Variants in CACNA1C observed in about 807,000 individuals in gnomAD.
The protein encoded by CACNA1C is voltage-dependent L-type calcium channel subunit alpha-1C.
Under a neutral mutation model 229.0 loss-of-function variants are expected in CACNA1C, and 30 were observed. The observed-to-expected ratio is 0.13, with a 90% CI of 0.10 to 0.18. CACNA1C has a LOEUF of 0.18. CACNA1C is among the 10% of genes least tolerant of loss of function. The probability of loss-of-function intolerance (pLI) is 1.00; values close to 1 mark genes in which losing one functional copy is unlikely to be tolerated. For synonymous variants in CACNA1C, 1,114 were observed against 1,132.5 expected (o/e 0.98, Z 0.33); for missense variants, 1,658 against 2,845.0 (o/e 0.58, Z 9.49).
chr12:2,511,867 C>T lies in CACNA1C; in HGVS notation c.1218-945C>T, dbSNP rs569762826. On this transcript the variant is annotated intron_variant, in intron 8 of 46. Transcript: ENST00000399655. ...AGGCCATTCTTCCAGCAAATCCCAC[C>T]CCAGTTTCAATTTCTACTCATTATT... Among the ~76,000 whole-genome samples, 3 of 152,176 alleles carry T rather than the reference C, an allele frequency of 2.0e-5. No individual in the cohort carries two copies. The South Asian group carries it at 6.2e-4, about 32-fold the overall frequency.
intron 3 of CACNA1C, among the ~76,000 whole-genome samples, chr12:2,430,859 A>T (rs2099076293): frequency 6.6e-6 from 1 of 151,562 alleles, no homozygotes; most frequent in Non-Finnish European, 1.5e-5. Context: ...CCCTGGCCTC[A>T]CTCTGTTTCT....
Position 1,995,808 on chromosome 12 carries a change from C to T in CACNA1C, c.139+24607C>T, listed in dbSNP as rs983275913. Among the ~76,000 whole-genome samples the T allele has an allele frequency of 9.2e-5, 14 of 152,342 alleles. No individual in the cohort carries two copies. In the East Asian group the frequency reaches 2.7e-3, roughly 29 times the overall value. On this transcript the variant is annotated intron_variant, in intron 1 of 46. Coordinates refer to the CACNA1C transcript ENST00000682462. ...CGGTTCCTCTTTATACTCACTCCTT[C>T]AGGGAACAGCTTTTATTTCATGGTT...
At chr12:2,123,086 T>C (rs1486712778) in intron 3 of CACNA1C, among the ~76,000 whole-genome samples, 1 of 152,188 alleles carries the variant, frequency 6.6e-6, no homozygotes, top group Non-Finnish European at 1.5e-5. Flanking sequence ...CACTTTAAGA[T>C]TAAGTCTGGG....
intron 3 of CACNA1C, among the ~76,000 whole-genome samples, chr12:2,372,748 G>A (rs1219174888): frequency 6.6e-6 from 1 of 152,124 alleles, no homozygotes; most frequent in Non-Finnish European, 1.5e-5. Flanking sequence ...CCATCCGTTA[G>A]CCTGCCCCCT....
chr12:2,246,901 C>T (rs900754736), intron 3 of CACNA1C, among the ~76,000 whole-genome samples: 2 of 152,132 alleles, frequency 1.3e-5, no homozygotes, highest in Non-Finnish European at 2.9e-5. Context: ...TCATGCATAG[C>T]GGCTGCATCC....
In CACNA1C at chr12:2,441,060, G is replaced by C. The variant is rs190103614; in HGVS notation, c.478-7916G>C. On this transcript the variant is annotated intron_variant, in intron 3 of 46. Coordinates refer to ENST00000399655, the MANE Select transcript of CACNA1C (RefSeq NM_000719.7). ...GTTCTGAAACAACCTGAGATACAGC[G>C]TGCTGCTTGAGGTGTTATTATTGTG... 6.8e-4 allele frequency among the ~76,000 whole-genome samples: 104 copies of C among 152,348 alleles called. 2 individuals are homozygous for C. Among genetic ancestry groups the C allele is most frequent in the Middle Eastern group, 3.4e-3 (1 of 294 alleles).
intron 5 of CACNA1C, among the ~76,000 whole-genome samples, chr12:2,463,450 A>G (rs2099529336): frequency 1.3e-5 from 2 of 152,226 alleles, no homozygotes; most frequent in African/African-American, 4.8e-5. Context: ...AAGAAAAAAT[A>G]TTCATAAAAA....
At chr12:2,306,731 T>G (rs1359642111) in intron 3 of CACNA1C, among the ~76,000 whole-genome samples, 1 of 152,234 alleles carries the variant, frequency 6.6e-6, no homozygotes, top group East Asian at 1.9e-4. Context: ...ACACACTGGC[T>G]TAAAGTCACG....
chr12:2,542,261 A>C (rs1001022838), intron 9 of CACNA1C, among the ~76,000 whole-genome samples: 3 of 152,194 alleles, frequency 2.0e-5, no homozygotes, highest in Non-Finnish European at 4.4e-5. Context: ...TGCTGGCCTC[A>C]TGGTGGCTAA....
chr12:2,401,397 C>A (rs538141436), intron 3 of CACNA1C, among the ~76,000 whole-genome samples: 1 of 152,260 alleles, frequency 6.6e-6, no homozygotes, highest in Non-Finnish European at 1.5e-5. Flanking sequence ...ATTTCACACC[C>A]TTGTGACAAA....
chr12:2,674,114 T>C (rs963511948), intron 38 of CACNA1C, among the ~76,000 whole-genome samples: 5 of 152,170 alleles, frequency 3.3e-5, no homozygotes, highest in South Asian at 4.1e-4. Flanking sequence ...AGGAGGTCCA[T>C]GAGAAATGCC....
chr12:2,023,057 C>A (rs1268194314), intron 1 of CACNA1C, among the ~76,000 whole-genome samples: 1 of 152,096 alleles, frequency 6.6e-6, no homozygotes, highest in Non-Finnish European at 1.5e-5. Context: ...AAGTTTTGAA[C>A]AGGGAGCCCT....
At chr12:1,991,185 G>T (rs1460790094) in intron 1 of CACNA1C, 2 of 456,100 alleles carry the variant, frequency 4.4e-6, no homozygotes, top group African/African-American at 4.0e-5. Context: ...CAACGGAAGT[G>T]AAATCAGAAT....
rs1567912346 is a variant in CACNA1C, at chr12:2,476,410, T to C, written c.758-9694T>C. Among the ~76,000 whole-genome samples the C allele has an allele frequency of 2.0e-5, 3 of 152,368 alleles. No homozygotes were observed. The East Asian group carries it at 5.8e-4, about 29-fold the overall frequency. On this transcript the variant is annotated intron_variant, in intron 5 of 46. Coordinates refer to ENST00000399655, the MANE Select transcript of CACNA1C (RefSeq NM_000719.7). ...GTAATCTGGGACAATTTATCTGTCT[T>C]ACCTAAGCCTCATTTCTTTTATCTG...
chr12:1,971,143 G>A lies in CACNA1C; in HGVS notation c.81G>A (p.Lys27=). 9 of 1,289,508 alleles carry A rather than the reference G, an allele frequency of 7.0e-6. No individual in the cohort carries two copies. The highest frequency in any genetic ancestry group is 2.1e-4 in the Middle Eastern group (1 of 4,696). 79.9% of individuals were successfully genotyped at this position (1,289,508 alleles called of 1,614,324 possible). Residue 27 remains lysine, a synonymous_variant, in exon 1 of 47, where the codon AAG becomes AAA. Transcript: ENST00000682462. The surrounding 1 kb of genome is among the most constrained non-coding windows in gnomAD (Gnocchi z 4.2). ...ACCTGTCTGCCAACACGGAGGTCAA[G>A]TTTAAGGGTACTTTGGTGCATGAAG...
intron 1 of CACNA1C, among the ~76,000 whole-genome samples, chr12:1,981,530 C>T (rs2036129717): frequency 1.3e-5 from 2 of 152,098 alleles, no homozygotes; most frequent in Non-Finnish European, 2.9e-5. Context: ...CTAGTAATTG[C>T]CTTTATTTCT....
intron 3 of CACNA1C, among the ~76,000 whole-genome samples, chr12:2,265,948 C>T (rs1601414576): frequency 6.6e-6 from 1 of 152,244 alleles, no homozygotes; most frequent in Non-Finnish European, 1.5e-5. Flanking sequence ...CCCCTGCGCT[C>T]CACGCTCCTA....
At chr12:2,495,806 G>A (rs1449640056) in intron 7 of CACNA1C, among the ~76,000 whole-genome samples, 1 of 152,188 alleles carries the variant, frequency 6.6e-6, no homozygotes, top group African/African-American at 2.4e-5. Context: ...TTGTATGTGT[G>A]TGCACGCCTG....
At chr12:2,565,464 A>G (rs1474156465) in intron 11 of CACNA1C, among the ~76,000 whole-genome samples, 17 of 119,904 alleles carry the variant, frequency 1.4e-4, no homozygotes, top group Non-Finnish European at 3.4e-5. Context: ...ACAGAGCGAG[A>G]CTCCGTCTCA....
Sources: gnomAD v4.1 joint callset for allele counts (sites outside exome capture counted in the v4.1 genomes callset) on GRCh38, gnomAD v4.1.1 for gene constraint, Gnocchi (gnomAD v3.1) non-coding constraint, MANE v1.5 for transcripts, NCBI Gene and HGNC (gene_info 2026-07-23, HGNC 2026-07-21) for gene names.